N4BP2L2: variants seen among roughly 807,000 people sequenced by gnomAD.
N4BP2L2 encodes the protein NEDD4-binding protein 2-like 2.
N4BP2L2 carries 50 observed loss-of-function variants against 56.2 expected under a neutral mutation model. That is an observed-to-expected ratio of 0.89 (90% CI 0.71 to 1.13). N4BP2L2 has a LOEUF of 1.13. Among genes scored for constraint, N4BP2L2 ranks in the 50% most tolerant of loss-of-function variants. The probability of loss-of-function intolerance (pLI) is 0.00; values close to 1 mark genes in which losing one functional copy is unlikely to be tolerated. For synonymous variants in N4BP2L2, 203 were observed against 223.6 expected, an observed-to-expected ratio of 0.91 and a Z score of 0.82; for missense variants, 689 against 693.8, an observed-to-expected ratio of 0.99 and a Z score of 0.08.
chr13:32,438,695 T>C (rs1048532901), exon 8 of N4BP2L2: 11 of 1,611,116 alleles, frequency 6.8e-6, no homozygotes, highest in African/African-American at 2.7e-5. Flanking sequence ...CTTTAGTGTC[T>C]TCCAGTCAAG....
Position 32,442,867 on chromosome 13 carries a change from C to T in N4BP2L2, c.1625G>A (p.Trp542Ter), listed in dbSNP as rs765238192. Residue 542 changes from tryptophan to a stop codon, truncating the protein, a stop_gained, in exon 7 of 10, where the codon TGG becomes TAG. Coordinates refer to the N4BP2L2 transcript ENST00000357505. LOFTEE classifies it high-confidence loss of function. Reference sequence around the variant, plus strand: ...AGCTTTGATAATATCAAGGTAAAACCACAATGGATGATGATCAAAGGTCAT... The same window carrying T: ...AGCTTTGATAATATCAAGGTAAAACTACAATGGATGATGATCAAAGGTCAT... The T allele has an allele frequency of 2.6e-5, 42 of 1,613,348 alleles. No individual in the cohort carries two copies. Among genetic ancestry groups the T allele is most frequent in the Non-Finnish European group, 3.4e-5 (40 of 1,179,638 alleles).
In N4BP2L2 at chr13:32,443,721, G is replaced by A. The variant is rs569069138; in HGVS notation, c.771C>T (p.Ser257=). ...TTTGAGTCAGTATTGGACAAGTAAC[G>A]GAGATTTCATTTGGCCTCAGTAACA... Residue 257 remains serine (S), a synonymous_variant, in exon 7 of 10, where the codon TCC becomes TCT. Coordinates refer to the N4BP2L2 transcript ENST00000357505. 2.0e-5 allele frequency: 32 copies of A among 1,581,666 alleles called. No homozygotes were observed. In the South Asian group the frequency reaches 2.4e-4, roughly 12 times the overall value.
chr13:32,460,288 C>A (rs2079803866), intron 6 of N4BP2L2, among the ~76,000 whole-genome samples: 1 of 152,106 alleles, frequency 6.6e-6, no homozygotes. Context: ...CAATACAGTA[C>A]TGAGAGTCCT....
intron 6 of N4BP2L2, among the ~76,000 whole-genome samples, chr13:32,500,787 C>T (rs142815098): frequency 8.0e-5 from 12 of 150,738 alleles, no homozygotes; most frequent in African/African-American, 2.2e-4. Context: ...TTATAAATGT[C>T]GTCTTGTGCC....
intron 6 of N4BP2L2, among the ~76,000 whole-genome samples, chr13:32,499,106 C>T (rs975594079): frequency 6.6e-6 from 1 of 152,048 alleles, no homozygotes; most frequent in African/African-American, 2.4e-5. Context: ...TGCCTACAGG[C>T]CTTCTCCCAT....
chr13:32,478,837 A>G (rs2083931830), intron 6 of N4BP2L2: 2 of 152,224 alleles, frequency 1.3e-5, no homozygotes, highest in African/African-American at 4.8e-5. Flanking sequence ...GAAAAATGGT[A>G]TGATATTATT....
intron 3 of N4BP2L2, 109 bp downstream of exon 3, chr13:32,527,297 ACG>A (rs1309199323): frequency 1.8e-5 from 21 of 1,168,548 alleles, no homozygotes; most frequent in Non-Finnish European, 2.0e-5. Context: ...AGCTATTTAA[ACG>A]GCTTGCCTAC....
upstream of N4BP2L2, chr13:32,538,848 G>C: frequency 1.0e-6 from 1 of 985,482 alleles, no homozygotes; most frequent in Non-Finnish European, 1.2e-6. Context: ...CAGGCATTGT[G>C]GGAATTGAAG....
At chr13:32,503,172 C>CAAA (rs35773755) in intron 6 of N4BP2L2, among the ~76,000 whole-genome samples, 6,018 of 57,846 alleles carry the variant, frequency 0.1, 670 homozygotes, top group Non-Finnish European at 0.15. Flanking sequence ...GACTCTGTAG[C>CAAA]AAAAAAAAAA....
chr13:32,527,008 T>C (rs2053198171), intron 3 of N4BP2L2: 1 of 154,608 alleles, frequency 6.5e-6, no homozygotes, highest in Non-Finnish European at 1.4e-5. Context: ...ACAACCAGTA[T>C]ATTAAGCCTT....
intron 6 of N4BP2L2, chr13:32,444,244 A>G (rs2076701288): frequency 1.5e-6 from 1 of 681,284 alleles, no homozygotes; most frequent in Non-Finnish European, 2.2e-6. Context: ...GAGACTCTCA[A>G]GTGTGCACGT....
At chr13:32,521,287 T>G in intron 5 of N4BP2L2, 86 bp downstream of exon 5, 2 of 1,075,814 alleles carry the variant, frequency 1.9e-6, no homozygotes, top group Non-Finnish European at 1.4e-6. Context: ...AACCTACATT[T>G]GTATTCAATA....
intron 2 of N4BP2L2, among the ~76,000 whole-genome samples, chr13:32,532,898 A>ATTT (rs1566190315): frequency 3.6e-4 from 43 of 119,748 alleles, no homozygotes; most frequent in Middle Eastern, 5.0e-3. Flanking sequence ...CCTTTTTTTA[A>ATTT]AAAAAAAAAA....
chr13:32,499,019 T>G (rs1225354143), intron 6 of N4BP2L2, among the ~76,000 whole-genome samples: 2 of 151,660 alleles, frequency 1.3e-5, no homozygotes, highest in South Asian at 4.2e-4. Flanking sequence ...AAATTAAAAT[T>G]TAAAAAAGAA....
At chr13:32,434,466 A>T (rs1160296132) in intron 9 of N4BP2L2, among the ~76,000 whole-genome samples, 3 of 152,030 alleles carry the variant, frequency 2.0e-5, no homozygotes, top group Non-Finnish European at 4.4e-5. Context: ...AAAATTTTAC[A>T]AATTAAGAAA....
At chr13:32,445,248 C>T (rs938199332) in intron 6 of N4BP2L2, among the ~76,000 whole-genome samples, 7 of 145,100 alleles carry the variant, frequency 4.8e-5, no homozygotes, top group Admixed American at 1.4e-4. Flanking sequence ...AAGACTCCAA[C>T]TGAATAAATA....
At chr13:32,518,412 A>C (rs1359380501) in intron 5 of N4BP2L2, among the ~76,000 whole-genome samples, 1 of 152,218 alleles carries the variant, frequency 6.6e-6, no homozygotes, top group Non-Finnish European at 1.5e-5. Flanking sequence ...GACAGTTGCT[A>C]TCACATTTTA....
At chr13:32,509,157 T>G (rs2091396864), downstream of N4BP2L2, 1 of 152,158 alleles carries the variant, frequency 6.6e-6, no homozygotes, top group South Asian at 2.1e-4. Flanking sequence ...TACAACTGAT[T>G]CATGCTCCAT....
chr13:32,443,838 T>G (rs765001612), exon 7 of N4BP2L2: 29 of 1,578,630 alleles, frequency 1.8e-5, no homozygotes, highest in Non-Finnish European at 2.2e-5. Context: ...GGAAACTGTC[T>G]TTAGGATCTT....
Sources: allele counts gnomAD v4.1 joint callset (sites outside exome capture counted in the v4.1 genomes callset), GRCh38; gene constraint gnomAD v4.1.1; transcripts MANE v1.5; gene names NCBI Gene and HGNC (gene_info 2026-07-23, HGNC 2026-07-21).